CCBE1: variants seen among roughly 807,000 people sequenced by gnomAD.
CCBE1 encodes the protein collagen and calcium binding EGF domains 1, also known as collagen and calcium-binding EGF domain-containing protein 1.
CCBE1 carries 37 observed loss-of-function variants against 50.0 expected under a neutral mutation model. The observed-to-expected ratio is 0.74, with a 90% CI of 0.57 to 0.97. CCBE1 has a LOEUF of 0.97. CCBE1 is among the 50% of genes least tolerant of loss of function. The pLI, the probability that CCBE1 is intolerant of heterozygous loss-of-function variation, is 0.00. For synonymous variants in CCBE1, 234 were observed against 203.7 expected (o/e 1.15, Z -1.27); for missense variants, 538 against 523.8 (o/e 1.03, Z -0.26).
intron 7 of CCBE1, among the ~76,000 whole-genome samples, chr18:59,440,229 G>C (rs147510738): frequency 6.6e-6 from 1 of 152,334 alleles, no homozygotes; most frequent in East Asian, 1.9e-4. Context: ...CTGGAGAGCA[G>C]TACAGGTTTT....
chr18:59,585,130 A>G (rs936380066), intron 2 of CCBE1, among the ~76,000 whole-genome samples: 1 of 151,962 alleles, frequency 6.6e-6, no homozygotes, highest in Non-Finnish European at 1.5e-5. Flanking sequence ...TGTTCCTTCC[A>G]GCCAAAAAGC....
At position 59,474,935 on chromosome 18, in the gene CCBE1, A is replaced by G. The variant is rs892824608; in HGVS notation, c.265+5251T>C. On this transcript the variant is annotated intron_variant, in intron 3 of 10. Coordinates refer to ENST00000439986, the MANE Select transcript of CCBE1 (RefSeq NM_133459.4). ...CTCCCTCTCTGTTCTCCAGCTTCCA[A>G]AGTTTTATTGCTATTATCTCCTCTT... Among the ~76,000 whole-genome samples, 3 of 152,092 alleles carry G rather than the reference A, an allele frequency of 2.0e-5. No individual in the cohort carries two copies. In the East Asian group the frequency reaches 5.8e-4, roughly 29 times the overall value.
intron 2 of CCBE1, among the ~76,000 whole-genome samples, chr18:59,640,452 C>A (rs1238567505): frequency 6.6e-6 from 1 of 152,082 alleles, no homozygotes; most frequent in African/African-American, 2.4e-5. Flanking sequence ...AAATTGGACC[C>A]CTTCATTACA....
intron 2 of CCBE1, among the ~76,000 whole-genome samples, chr18:59,581,116 A>T (rs2053077762): frequency 6.6e-6 from 1 of 152,204 alleles, no homozygotes; most frequent in Admixed American, 6.5e-5. Flanking sequence ...ATATAAACTT[A>T]TCAGACAGAG....
At chr18:59,573,672 G>A (rs1399502597) in intron 2 of CCBE1, among the ~76,000 whole-genome samples, 1 of 151,632 alleles carries the variant, frequency 6.6e-6, no homozygotes, top group Non-Finnish European at 1.5e-5. Context: ...AAAAATCAGG[G>A]AACTTACAAG....
intron 2 of CCBE1, among the ~76,000 whole-genome samples, chr18:59,670,418 G>A (rs1318822864): frequency 1.3e-5 from 2 of 152,144 alleles, no homozygotes; most frequent in African/African-American, 4.8e-5. Flanking sequence ...GTGGGCTTAG[G>A]ATCAACAGGA....
At chr18:59,608,578 TCTTTGA>T (rs1462182875) in intron 2 of CCBE1, among the ~76,000 whole-genome samples, 1 of 152,188 alleles carries the variant, frequency 6.6e-6, no homozygotes, top group Non-Finnish European at 1.5e-5. Context: ...TAGGGAAGAC[TCTTTGA>T]AGTCAAATTT....
At chr18:59,521,739 T>A (rs1282335184) in intron 2 of CCBE1, among the ~76,000 whole-genome samples, 1 of 117,808 alleles carries the variant, frequency 8.5e-6, no homozygotes, top group Non-Finnish European at 1.7e-5. Flanking sequence ...CTTTTTAACA[T>A]GAAAAAAATG....
At chr18:59,542,103 G>C (rs978190595) in intron 2 of CCBE1, among the ~76,000 whole-genome samples, 3 of 151,112 alleles carry the variant, frequency 2.0e-5, no homozygotes, top group African/African-American at 7.3e-5. Flanking sequence ...GAGCCCAGGA[G>C]GTCGAGGCTG....
chr18:59,439,184 G>C (rs1490481351), intron 9 of CCBE1, among the ~76,000 whole-genome samples: 1 of 152,236 alleles, frequency 6.6e-6, no homozygotes, highest in Admixed American at 6.5e-5. Flanking sequence ...CTACTCGGGA[G>C]GCTGAGGCAG....
rs1028036840 is a variant in CCBE1, at chr18:59,664,038, G to C, written c.212+32591C>G. Among the ~76,000 whole-genome samples the C allele has an allele frequency of 4.6e-5, 7 of 152,312 alleles. No homozygotes were observed. In the East Asian group the frequency reaches 1.2e-3, roughly 25 times the overall value. Reference sequence around the variant, plus strand: ...GGGTAACTTATAAGGAACAGAAGTTGATTTCTCACAGTTTTGAAGACTGAG... The same window carrying C: ...GGGTAACTTATAAGGAACAGAAGTTCATTTCTCACAGTTTTGAAGACTGAG... On this transcript the variant is annotated intron_variant, in intron 2 of 10. Transcript: ENST00000439986.
At chr18:59,440,873 G>A (rs1910390561) in intron 7 of CCBE1, among the ~76,000 whole-genome samples, 1 of 152,158 alleles carries the variant, frequency 6.6e-6, no homozygotes, top group South Asian at 2.1e-4. Flanking sequence ...TCTACAGTGT[G>A]GGGAGAGAAC....
In CCBE1 at chr18:59,439,479, A is replaced by G. The variant is rs1910312815; in HGVS notation, c.951+64T>C. ...AAGACCATCTCAAAAAACAAAAACA[A>G]AACAAAACAAAAAAATCGAAAGTGA... is the stretch of plus-strand genomic sequence containing the variant. On this transcript the variant is annotated intron_variant, in intron 9 of 10. Coordinates refer to ENST00000439986, the MANE Select transcript of CCBE1 (RefSeq NM_133459.4). 50 of 1,602,594 alleles carry G rather than the reference A, an allele frequency of 3.1e-5. No individual in the cohort carries two copies. In the South Asian group the frequency reaches 5.4e-4, roughly 17 times the overall value.
intron 2 of CCBE1, among the ~76,000 whole-genome samples, chr18:59,501,322 G>A (rs1913611514): frequency 6.6e-6 from 1 of 152,200 alleles, no homozygotes; most frequent in South Asian, 2.1e-4. Context: ...CTTTAGAGGG[G>A]AAGCACCAGG....
intron 2 of CCBE1, among the ~76,000 whole-genome samples, chr18:59,544,282 C>T (rs1455276844): frequency 1.3e-5 from 2 of 152,296 alleles, no homozygotes; most frequent in South Asian, 2.1e-4. Context: ...CTGATCCTTT[C>T]CATGGAACCA....
chr18:59,442,667 G>A (rs968263168), intron 7 of CCBE1, among the ~76,000 whole-genome samples: 1 of 152,144 alleles, frequency 6.6e-6, no homozygotes, highest in Non-Finnish European at 1.5e-5. Context: ...GGCAGAGATT[G>A]CAGTGAGCCG....
At chr18:59,691,129 G>C (rs1315092191) in intron 2 of CCBE1, among the ~76,000 whole-genome samples, 1 of 152,232 alleles carries the variant, frequency 6.6e-6, no homozygotes, top group Non-Finnish European at 1.5e-5. Flanking sequence ...ACAGATTTCA[G>C]TTAAATCTTA....
chr18:59,663,982 T>C (rs1359373182), intron 2 of CCBE1, among the ~76,000 whole-genome samples: 11 of 152,168 alleles, frequency 7.2e-5, no homozygotes. Context: ...GCACAGCATG[T>C]TCAGGCTGCA....
chr18:59,661,121 A>G (rs969319561), intron 2 of CCBE1, among the ~76,000 whole-genome samples: 11 of 152,160 alleles, frequency 7.2e-5, no homozygotes, highest in African/African-American at 2.7e-4. Flanking sequence ...ATTCATCTGG[A>G]AAATTTTGCA....
Sources: allele counts gnomAD v4.1 joint callset (sites outside exome capture counted in the v4.1 genomes callset), GRCh38; gene constraint gnomAD v4.1.1; transcripts MANE v1.5; gene names NCBI Gene and HGNC (gene_info 2026-07-23, HGNC 2026-07-21).